AHI1: variants seen among roughly 807,000 people sequenced by gnomAD.
AHI1 encodes the protein jouberin.
Under a neutral mutation model 149.3 loss-of-function variants are expected in AHI1, and 123 were observed. The ratio of observed to expected loss-of-function variants is 0.82; its 90% CI spans 0.71 to 0.96. The LOEUF (loss-of-function observed/expected upper bound fraction) is 0.96. Ranked by LOEUF, AHI1 falls within the 40% of genes least tolerant of loss-of-function variation. AHI1 has a pLI of 0.00. For synonymous variants in AHI1, 475 were observed against 459.8 expected, an observed-to-expected ratio of 1.03 and a Z score of -0.42; for missense variants, 1,439 against 1,422.7, an observed-to-expected ratio of 1.01 and a Z score of -0.18.
intron 19 of AHI1, 45 bp from the exon 20 acceptor site, chr6:135,427,352 G>C (rs1341194611): frequency 1.3e-6 from 2 of 1,507,096 alleles, no homozygotes; most frequent in Middle Eastern, 2.0e-4. Context: ...GAGCATATCT[G>C]TATCGATAAA....
chr6:135,377,242 T>C (rs2128463520), intron 23 of AHI1, among the ~76,000 whole-genome samples: 1 of 152,234 alleles, frequency 6.6e-6, no homozygotes, highest in East Asian at 1.9e-4. Flanking sequence ...ATTTAGGGGT[T>C]TTATTTTACA....
chr6:135,464,124 T>A (rs60132525), intron 7 of AHI1, among the ~76,000 whole-genome samples: 11,277 of 152,070 alleles, frequency 0.074, 983 homozygotes, highest in African/African-American at 0.21. Context: ...TTAATGTATC[T>A]AGTAAAAAAT....
intron 24 of AHI1, among the ~76,000 whole-genome samples, chr6:135,330,327 T>C (rs57341545): frequency 0.018 from 2,671 of 152,298 alleles, 76 homozygotes; most frequent in African/African-American, 0.061. Flanking sequence ...TCAGCAACTA[T>C]CAGTCTGGTC....
Position 135,426,511 on chromosome 6 carries a change from A to G in AHI1, c.2764+656T>C, listed in dbSNP as rs115422203. 7.2e-3 allele frequency among the ~76,000 whole-genome samples: 1,089 copies of G among 151,766 alleles called. 18 individuals carry two copies. The highest frequency in any genetic ancestry group is 0.025 in the African/African-American group (1,035 of 41,524). On this transcript the variant is annotated intron_variant, in intron 20 of 28. Transcript: ENST00000265602. ...AAGCAAATCAAAGAAACTAACAAAG[A>G]CTTTTCATTTTTGTACAATACTATA...
chr6:135,295,646 G>A (rs113805572), intron 27 of AHI1, among the ~76,000 whole-genome samples: 1,547 of 152,248 alleles, frequency 0.01, 17 homozygotes, highest in Non-Finnish European at 0.014. Context: ...TAAACAAACT[G>A]TGGTATTTAA....
chr6:135,470,851 T>A (rs1158202414), intron 5 of AHI1, among the ~76,000 whole-genome samples: 2 of 152,010 alleles, frequency 1.3e-5, no homozygotes, highest in Non-Finnish European at 2.9e-5. Flanking sequence ...AATACCTAGG[T>A]GATGGGTGGA....
rs9494209 is a variant in AHI1, at chr6:135,285,617, C to T, written c.*28G>A. 2.7e-5 allele frequency: 44 copies of T among 1,605,310 alleles called. No individual in the cohort carries two copies. The African/African-American group carries it at 3.9e-4, about 14-fold the overall frequency. On this transcript the variant is annotated 3_prime_UTR_variant, in exon 29 of 29. Transcript: ENST00000265602. ...TTGTCATTTTCACCTCTGTGCATTT[C>T]GGCAGCTCTTAACTTTTCTTCAATT...
At chr6:135,341,421 A>G (rs927198262) in intron 24 of AHI1, among the ~76,000 whole-genome samples, 1 of 152,040 alleles carries the variant, frequency 6.6e-6, no homozygotes, top group Non-Finnish European at 1.5e-5. Flanking sequence ...GTATAAACAT[A>G]TAAGTACATG....
At chr6:135,431,058 G>A (rs1180053666) in intron 17 of AHI1, 150 bp downstream of exon 17, 3 of 557,578 alleles carry the variant, frequency 5.4e-6, no homozygotes, top group Admixed American at 3.3e-5. Context: ...CATCAGGAGG[G>A]TGTGCTAATT....
At chr6:135,492,417 G>C in intron 3 of AHI1, 126 bp from the exon 4 acceptor site, 1 of 1,307,740 alleles carries the variant, frequency 7.6e-7, no homozygotes, top group Non-Finnish European at 9.8e-7. Context: ...ATAAAGCTAT[G>C]TTCCCTTAAC....
chr6:135,444,756 CG>C (rs1786892524), intron 13 of AHI1, among the ~76,000 whole-genome samples: 1 of 152,224 alleles, frequency 6.6e-6, no homozygotes, highest in Non-Finnish European at 1.5e-5. Flanking sequence ...TCTAGATTTT[CG>C]TAAGTGCCTC....
chr6:135,359,437 A>G (rs759576931), intron 23 of AHI1, among the ~76,000 whole-genome samples: 7 of 152,196 alleles, frequency 4.6e-5, no homozygotes, highest in Non-Finnish European at 8.8e-5. Flanking sequence ...AAAATCTTTA[A>G]GGTAATTTTG....
intron 2 of AHI1, among the ~76,000 whole-genome samples, chr6:135,496,378 A>C (rs1247739593): frequency 6.6e-6 from 1 of 152,178 alleles, no homozygotes; most frequent in African/African-American, 2.4e-5. Context: ...TTAGCCTCCC[A>C]AAGTGCTAGG....
chr6:135,472,913 AT>A (rs768175695), intron 5 of AHI1, among the ~76,000 whole-genome samples: 1 of 151,862 alleles, frequency 6.6e-6, no homozygotes, highest in South Asian at 2.1e-4. Flanking sequence ...TGCTTTAAAA[AT>A]ATTTTATCTA....
rs2128022727 is a variant in AHI1 at position 135,433,145 on chromosome 6, T to C, written c.2148A>G (p.Gly716=). The C allele has an allele frequency of 6.2e-7, 1 of 1,613,150 alleles. No individual in the cohort carries two copies. Among genetic ancestry groups the C allele is most frequent in the Non-Finnish European group, 8.5e-7 (1 of 1,179,220 alleles). Residue 716 remains glycine, a synonymous_variant, in exon 16 of 29, where the codon GGA becomes GGG. Transcript: ENST00000265602. Reference sequence around the variant, plus strand: ...ATATCCGTATCATGGAATCATAGCATCCTGTAACTACTAGCTCTCTTACAG... The same window carrying C: ...ATATCCGTATCATGGAATCATAGCACCCTGTAACTACTAGCTCTCTTACAG... ...HPAVRELVVT[G]CYDSMIRIWK... is the part of the protein sequence containing the mutation.
At chr6:135,467,125 AAGAG>A (rs1283148560) in intron 6 of AHI1, among the ~76,000 whole-genome samples, 1 of 152,178 alleles carries the variant, frequency 6.6e-6, no homozygotes, top group Non-Finnish European at 1.5e-5. Flanking sequence ...CATCCCAGCA[AAGAG>A]AGAAAGGGCA....
chr6:135,420,387 TCTC>T (rs935322082), intron 20 of AHI1, among the ~76,000 whole-genome samples: 12 of 152,134 alleles, frequency 7.9e-5, no homozygotes, highest in African/African-American at 2.2e-4. Context: ...ATCCATGTCT[TCTC>T]CTCTTTAGCT....
intron 20 of AHI1, among the ~76,000 whole-genome samples, chr6:135,419,572 A>G (rs1294797189): frequency 1.3e-5 from 2 of 152,152 alleles, no homozygotes. Context: ...TATTAAGTGT[A>G]GCATTATGTC....
intron 11 of AHI1, among the ~76,000 whole-genome samples, chr6:135,449,821 A>C (rs557768572): frequency 8.3e-4 from 126 of 152,356 alleles, no homozygotes; most frequent in Non-Finnish European, 1.5e-3. Context: ...CACTTGAAGT[A>C]TGGCTAGCAC....
Sources: allele counts gnomAD v4.1 joint callset (sites outside exome capture counted in the v4.1 genomes callset), GRCh38; gene constraint gnomAD v4.1.1; transcripts MANE v1.5; gene names NCBI Gene and HGNC (gene_info 2026-07-23, HGNC 2026-07-21).